Variants in LRIG1 observed in about 807,000 individuals in gnomAD.
LRIG1 encodes leucine rich repeats and immunoglobulin like domains 1.
A neutral mutation model predicts 99.2 loss-of-function variants in LRIG1; 48 were observed. The observed-to-expected ratio is 0.48, with a 90% CI of 0.38 to 0.62. LRIG1 has a LOEUF of 0.62. Among genes scored for constraint, LRIG1 ranks in the 20% least tolerant of loss-of-function variants. The pLI is 0.00. For missense variants in LRIG1, 1,646 were observed against 1,434.4 expected (o/e 1.15, Z -2.38); for synonymous variants, 772 against 596.1 (o/e 1.29, Z -4.30).
At chr3:66,433,391 C>G (rs995795149) in intron 3 of LRIG1, among the ~76,000 whole-genome samples, 3 of 152,210 alleles carry the variant, frequency 2.0e-5, no homozygotes. Context: ...AAAGCTCCCT[C>G]TGAGGTTACA....
rs74735298 is a variant in LRIG1, at chr3:66,447,071, A to T, written c.365+4488T>A. Among the ~76,000 whole-genome samples the T allele has an allele frequency of 6.3e-3, 964 of 152,168 alleles. 10 individuals carry two copies. Among genetic ancestry groups the T allele is most frequent in the African/African-American group, 0.021 (886 of 41,522 alleles). On this transcript the variant is annotated intron_variant, in intron 3 of 18. Transcript: ENST00000273261. ...GAGTTAATGGTAAGTTCATTTTTTT[A>T]AATTTTCTGATTTTTTTGTGAGTAC...
chr3:66,412,691 C>A (rs1575671351), intron 6 of LRIG1, among the ~76,000 whole-genome samples, 180 bp downstream of exon 6: 4 of 152,334 alleles, frequency 2.6e-5, no homozygotes, highest in African/African-American at 9.6e-5. Context: ...TGGGCGCGCA[C>A]GTGCACACGC....
At chr3:66,473,747 C>G (rs1052670139) in intron 1 of LRIG1, among the ~76,000 whole-genome samples, 16 of 152,232 alleles carry the variant, frequency 1.1e-4, no homozygotes, top group African/African-American at 3.6e-4. Flanking sequence ...CTATCTCTAG[C>G]TAAGTATTTT....
intron 5 of LRIG1, among the ~76,000 whole-genome samples, chr3:66,414,561 G>C (rs1351323675): frequency 6.6e-6 from 1 of 152,080 alleles, no homozygotes; most frequent in South Asian, 2.1e-4. Flanking sequence ...CCAAGGTACA[G>C]ATTTTACGGG....
At chr3:66,381,103 G>T in intron 17 of LRIG1, 1 of 590,464 alleles carries the variant, frequency 1.7e-6, no homozygotes, top group Non-Finnish European at 3.0e-6. Context: ...TAGTCTTACT[G>T]CTTCACGGGG....
At chr3:66,433,364 G>C (rs1703242724) in intron 3 of LRIG1, among the ~76,000 whole-genome samples, 1 of 152,248 alleles carries the variant, frequency 6.6e-6, no homozygotes, top group South Asian at 2.1e-4. Flanking sequence ...AGAGGGGACT[G>C]TGGGTGCTGC....
At chr3:66,384,919 C>T (rs1701294097) in intron 13 of LRIG1, among the ~76,000 whole-genome samples, 3 of 152,200 alleles carry the variant, frequency 2.0e-5, no homozygotes, top group African/African-American at 2.4e-5. Context: ...GTCTAACAAA[C>T]AGCTGAGTCT....
chr3:66,388,893 C>T (rs1285610943), intron 12 of LRIG1, among the ~76,000 whole-genome samples: 1 of 152,116 alleles, frequency 6.6e-6, no homozygotes, highest in Non-Finnish European at 1.5e-5. Flanking sequence ...GAAAGGACAT[C>T]ATATAGCAAC....
intron 2 of LRIG1, among the ~76,000 whole-genome samples, chr3:66,457,951 T>C (rs1226095803): frequency 6.6e-6 from 1 of 152,186 alleles, no homozygotes; most frequent in Non-Finnish European, 1.5e-5. Context: ...TCATCTTCAG[T>C]TGACTGTGAG....
chr3:66,468,750 G>A (rs900673688), intron 1 of LRIG1, among the ~76,000 whole-genome samples: 3 of 152,182 alleles, frequency 2.0e-5, no homozygotes, highest in Admixed American at 2.0e-4. Flanking sequence ...GTGGAAAAAG[G>A]TGATTCGTCC....
chr3:66,418,180 C>T (rs1702680795), intron 3 of LRIG1, among the ~76,000 whole-genome samples: 1 of 152,198 alleles, frequency 6.6e-6, no homozygotes, highest in Admixed American at 6.5e-5. Flanking sequence ...CAACCTCCGC[C>T]TCCTGGGTTC....
chr3:66,380,466 T>A lies in LRIG1; in HGVS notation c.3079A>T (p.Arg1027Trp). Reference sequence around the variant, plus strand: ...TCTGTGGAGTCCGGGTGATACAACCTTGCTAAAGTCCAGGAAGAATCCCCT... The same window carrying A: ...TCTGTGGAGTCCGGGTGATACAACCATGCTAAAGTCCAGGAAGAATCCCCT... Reference protein sequence around the residue: ...GKGDSSWTLARLYHPDSTELQ... With the variant: ...GKGDSSWTLAWLYHPDSTELQ... The change falls in exon 19 of 19, where the codon AGG becomes TGG. Residue 1027 changes from arginine (R) to tryptophan (W), a missense_variant. Transcript: ENST00000273261. 6.2e-7 allele frequency: 1 copy of A among 1,614,176 alleles called. No individual in the cohort carries two copies. Among genetic ancestry groups the A allele is most frequent in the Non-Finnish European group, 8.5e-7 (1 of 1,180,044 alleles).
intron 1 of LRIG1, among the ~76,000 whole-genome samples, chr3:66,496,881 T>A (rs1222840750): frequency 6.6e-6 from 1 of 152,250 alleles, no homozygotes; most frequent in Non-Finnish European, 1.5e-5. Context: ...CCAGCACAGC[T>A]GTAAAATTTG....
At chr3:66,423,198 T>C (rs535193819) in intron 3 of LRIG1, among the ~76,000 whole-genome samples, 4 of 152,366 alleles carry the variant, frequency 2.6e-5, no homozygotes, top group Admixed American at 2.0e-4. Context: ...CATAAATGCA[T>C]TTAACACCAT....
intron 11 of LRIG1, among the ~76,000 whole-genome samples, chr3:66,396,454 C>G (rs1276854343): frequency 6.6e-6 from 1 of 152,236 alleles, no homozygotes; most frequent in Non-Finnish European, 1.5e-5. Context: ...CAGAGGATGA[C>G]TAAGTGCACA....
intron 12 of LRIG1, among the ~76,000 whole-genome samples, chr3:66,390,590 T>C (rs1044149192): frequency 2.0e-5 from 3 of 152,168 alleles, no homozygotes; most frequent in Non-Finnish European, 4.4e-5. Flanking sequence ...TTTCCTTTAC[T>C]GCAGAAATTG....
At chr3:66,461,131 C>T (rs1377016397) in intron 2 of LRIG1, among the ~76,000 whole-genome samples, 2 of 151,992 alleles carry the variant, frequency 1.3e-5, no homozygotes, top group Non-Finnish European at 2.9e-5. Flanking sequence ...ACCAACATGG[C>T]GGAACACCAT....
At chr3:66,422,813 A>C (rs1013608503) in intron 3 of LRIG1, among the ~76,000 whole-genome samples, 12 of 152,244 alleles carry the variant, frequency 7.9e-5, no homozygotes, top group African/African-American at 2.4e-4. Flanking sequence ...CAATTTACAA[A>C]AGAAAGAGAT....
At chr3:66,390,873 G>C (rs1415476039) in intron 12 of LRIG1, among the ~76,000 whole-genome samples, 1 of 152,094 alleles carries the variant, frequency 6.6e-6, no homozygotes, top group Non-Finnish European at 1.5e-5. Context: ...ATGAAAAATA[G>C]CCCTCCCTCA....
Sources: gnomAD v4.1 joint callset for allele counts (sites outside exome capture counted in the v4.1 genomes callset) on GRCh38, gnomAD v4.1.1 for gene constraint, MANE v1.5 for transcripts, NCBI Gene and HGNC (gene_info 2026-07-23, HGNC 2026-07-21) for gene names.